The following ZNF638 variants were observed in gnomAD, a reference collection of about 807,000 sequenced individuals.
ZNF638 encodes the protein zinc finger protein 638, also known as CTCL tumor antigen se33-1.
In ZNF638, 46 loss-of-function variants were observed where a neutral mutation model predicts 195.6. That is an observed-to-expected ratio of 0.24 (90% confidence interval 0.19 to 0.30). The LOEUF is 0.30. ZNF638 is among the 10% of genes least tolerant of loss of function. ZNF638 has a pLI of 1.00. For missense variants in ZNF638, 2,440 were observed against 2,325.3 expected, an observed-to-expected ratio of 1.05 and a Z score of -1.01; for synonymous variants, 845 against 772.0, an observed-to-expected ratio of 1.09 and a Z score of -1.57.
intron 3 of ZNF638, 133 bp from the exon 4 acceptor site, chr2:71,363,020 G>T: frequency 1.4e-6 from 1 of 717,322 alleles, no homozygotes; most frequent in Admixed American, 2.5e-5. Context: ...ATTATTTATT[G>T]AATTAAACTC....
chr2:71,382,881 G>A (rs760129529), intron 10 of ZNF638, among the ~76,000 whole-genome samples: 1 of 152,202 alleles, frequency 6.6e-6, no homozygotes, highest in Non-Finnish European at 1.5e-5. Context: ...TTATTAAGTA[G>A]ACAGACCTAC....
chr2:71,396,242 T>C, intron 11 of ZNF638, 51 bp downstream of exon 11: 1 of 1,501,670 alleles, frequency 6.7e-7, no homozygotes, highest in African/African-American at 1.4e-5. Flanking sequence ...CTTTAATGTA[T>C]TTTAAAATCG....
rs2078574151 is a variant in ZNF638 at position 71,331,848 on chromosome 2, G to C, written c.-230G>C. 8 of 986,340 alleles carry C rather than the reference G, an allele frequency of 8.1e-6. No homozygotes were observed. The highest frequency in any genetic ancestry group is 9.6e-6 in the Non-Finnish European group (8 of 830,290). The allele number at this position is 986,340 out of a possible 1,614,324, so 61.1% of individuals were successfully genotyped here. A position where few individuals can be genotyped will look rare whatever the true frequency, so the allele number is the denominator to read the frequency against. On this transcript the variant is annotated 5_prime_UTR_variant, in exon 1 of 28. Transcript: ENST00000264447. ...GCTAAACTGTGTGGGGCGCGGATGG[G>C]ATCCAGCTGTTAGTCGGGTAGGCAT...
chr2:71,340,283 C>T (rs2078742067), intron 1 of ZNF638, among the ~76,000 whole-genome samples: 1 of 152,188 alleles, frequency 6.6e-6, no homozygotes, highest in South Asian at 2.1e-4. Context: ...AAACATGGTA[C>T]TCTCTGTCAA....
chr2:71,343,166 T>C (rs2078791124), intron 1 of ZNF638, among the ~76,000 whole-genome samples: 1 of 152,216 alleles, frequency 6.6e-6, no homozygotes, highest in South Asian at 2.1e-4. Context: ...GTTATAATAC[T>C]GACAAACGTT....
At chr2:71,365,959 T>A (rs1558845432) in intron 6 of ZNF638, among the ~76,000 whole-genome samples, 1 of 152,202 alleles carries the variant, frequency 6.6e-6, no homozygotes, top group African/African-American at 2.4e-5. Context: ...GTTCAGGCAG[T>A]CCTTCCACGT....
intron 10 of ZNF638, among the ~76,000 whole-genome samples, chr2:71,390,741 T>A (rs2079756256): frequency 1.3e-5 from 2 of 152,204 alleles, no homozygotes; most frequent in South Asian, 4.2e-4. Flanking sequence ...AATATTTCGA[T>A]TATTAGTTAT....
chr2:71,369,979 T>A lies in ZNF638; in HGVS notation c.2239T>A (p.Cys747Ser). Residue 747 changes from cysteine to serine, a missense_variant, in exon 8 of 28, where the codon TGT (cysteine) becomes AGT (serine). Around this residue, in one of 5 missense-constraint regions of ZNF638, gnomAD observed 1,883 missense variants for 1,739.1 expected, o/e 1.08. Coordinates refer to ENST00000264447, the MANE Select transcript of ZNF638 (RefSeq NM_014497.5). ...LTIKGKSVKI[C>S]VPGKKKAQNK... ...GATAAAAGGAAAAAGTGTGAAAATATGTGTTCCAGGAAAGAAAAAAGCACA... is the reference window on the plus strand; with the variant it reads ...GATAAAAGGAAAAAGTGTGAAAATAAGTGTTCCAGGAAAGAAAAAAGCACA... The A allele has an allele frequency of 1.3e-6, 2 of 1,598,380 alleles. No individual in the cohort carries two copies. The highest frequency in any genetic ancestry group is 3.6e-5 in the Admixed American group (2 of 55,790).
At chr2:71,379,418 G>T (rs916857849) in intron 8 of ZNF638, 27 of 152,314 alleles carry the variant, frequency 1.8e-4, no homozygotes, top group Non-Finnish European at 3.1e-4. Context: ...TTTGTCTAGA[G>T]TATCCACATT....
At chr2:71,431,271 C>T (rs1573181376) in intron 25 of ZNF638, 56 bp from the exon 26 acceptor site, 1 of 1,462,874 alleles carries the variant, frequency 6.8e-7, no homozygotes, top group Non-Finnish European at 9.5e-7. Context: ...CCAATGTTAA[C>T]TTTACAAAGT....
At chr2:71,432,732 T>G (rs1054049740) in intron 26 of ZNF638, among the ~76,000 whole-genome samples, 1 of 152,242 alleles carries the variant, frequency 6.6e-6, no homozygotes, top group Non-Finnish European at 1.5e-5. Flanking sequence ...TCCCTAAATT[T>G]ATAGCAGTGT....
At chr2:71,335,782 C>T (rs1450487143) in intron 1 of ZNF638, among the ~76,000 whole-genome samples, 2 of 152,126 alleles carry the variant, frequency 1.3e-5, no homozygotes, top group Non-Finnish European at 2.9e-5. Context: ...ACAACAGTAA[C>T]TATGAGTAAT....
chr2:71,380,295 G>T lies in ZNF638; in HGVS notation c.2324+15G>T. ...TCTACCTTAAAGTAAGTGACTTTAT[G>T]ATTTCATATGTGAGAATGAAATGTG... On this transcript the variant is annotated intron_variant, in intron 9 of 27. Coordinates refer to ENST00000264447, the MANE Select transcript of ZNF638 (RefSeq NM_014497.5). The T allele has an allele frequency of 6.6e-7, 1 of 1,525,650 alleles. No individual in the cohort carries two copies. Among genetic ancestry groups the T allele is most frequent in the South Asian group, 1.3e-5 (1 of 79,348 alleles). 94.5% of individuals were successfully genotyped at this position (1,525,650 alleles called of 1,614,324 possible). A position where few individuals can be genotyped will look rare whatever the true frequency, so the allele number is the denominator to read the frequency against.
At chr2:71,418,762 A>G in intron 21 of ZNF638, 123 bp downstream of exon 21, 1 of 570,138 alleles carries the variant, frequency 1.8e-6, no homozygotes, top group Non-Finnish European at 2.8e-6. Context: ...TATTTTGTGT[A>G]CATATGGGCT....
Position 71,368,515 on chromosome 2 carries a change from C to T in ZNF638, c.2129C>T (p.Pro710Leu). Residue 710 changes from proline (P) to leucine (L), a missense_variant, in exon 7 of 28, where the codon CCA becomes CTA. By Grantham distance (98) the Pro-to-Leu change is moderately conservative (BLOSUM62 -3). Coordinates refer to ENST00000264447, the MANE Select transcript of ZNF638 (RefSeq NM_014497.5). ...FGKVNDVLIV[P>L]YRKEAYLEME... ...AAAGTGAATGATGTCCTAATTGTTC[C>T]ATATAGAAAAGAGGTGAGTCATTTA... 1 of 1,611,688 alleles carries T rather than the reference C, an allele frequency of 6.2e-7. No individual in the cohort carries two copies. The highest frequency in any genetic ancestry group is 8.5e-7 in the Non-Finnish European group (1 of 1,179,286).
Position 71,422,889 on chromosome 2 carries a change from T to C in ZNF638, c.3375T>C (p.Asn1125=), listed in dbSNP as rs770719497. 1 of 1,614,004 alleles carries C rather than the reference T, an allele frequency of 6.2e-7. No homozygotes were observed. The highest frequency in any genetic ancestry group is 1.3e-5 in the African/African-American group (1 of 74,940). Residue 1125 remains asparagine (N), a synonymous_variant, in exon 22 of 28, where the codon AAT becomes AAC. Coordinates refer to ENST00000264447, the MANE Select transcript of ZNF638 (RefSeq NM_014497.5). ...CTGATAGTCCCTCTGTTAAACCTAA[T>C]GAGCTTGAAGAAGAAAGTACTCCCA... The part of the protein sequence containing the change: ...TATDSPSVKP[N]ELEEESTPSI...
chr2:71,421,351 G>A (rs866635197), intron 21 of ZNF638, among the ~76,000 whole-genome samples: 2 of 135,572 alleles, frequency 1.5e-5, no homozygotes, highest in Non-Finnish European at 3.1e-5. Flanking sequence ...TGAAAAAAAG[G>A]GGTGTGATTA....
intron 24 of ZNF638, 124 bp downstream of exon 24, chr2:71,427,538 CAGTT>C: frequency 1.6e-6 from 1 of 620,630 alleles, no homozygotes. Flanking sequence ...GGCCAACAGA[CAGTT>C]AAAGTCAACA....
chr2:71,417,428 A>C (rs2080322250), intron 20 of ZNF638, among the ~76,000 whole-genome samples: 2 of 151,548 alleles, frequency 1.3e-5, no homozygotes, highest in Non-Finnish European at 2.9e-5. Flanking sequence ...TGCAGAAATC[A>C]CCCGTCTTCT....
Sources: gnomAD v4.1 joint callset for allele counts (sites outside exome capture counted in the v4.1 genomes callset) on GRCh38, gnomAD v4.1.1 for gene constraint, gnomAD v4.1.1 regional missense constraint, MANE v1.5 for transcripts, NCBI Gene and HGNC (gene_info 2026-07-23, HGNC 2026-07-21) for gene names.